Variants in CHM observed in about 807,000 individuals in gnomAD.
The protein encoded by CHM is rab proteins geranylgeranyltransferase component A 1.
A neutral mutation model predicts 49.0 loss-of-function variants in CHM; 10 were observed. The observed-to-expected ratio is 0.20, with a 90% CI of 0.13 to 0.35. The LOEUF is 0.35. Among genes scored for constraint, CHM ranks in the 10% least tolerant of loss-of-function variants. CHM has a pLI of 1.00. For synonymous variants in CHM, 184 were observed against 167.5 expected (o/e 1.10, Z -0.76); for missense variants, 455 against 478.4 (o/e 0.95, Z 0.46).
intron 8 of CHM, among the ~76,000 whole-genome samples, chrX:85,942,653 G>A (rs1347949105): frequency 9.0e-6 from 1 of 111,072 alleles, no homozygotes; most frequent in Non-Finnish European, 1.9e-5. Context: ...CCCATTTGAC[G>A]CAGGGTCAGT....
chrX:85,973,745 T>C (rs981573255), intron 4 of CHM, among the ~76,000 whole-genome samples: 3 of 111,889 alleles, frequency 2.7e-5, no homozygotes, highest in Non-Finnish European at 5.6e-5. Flanking sequence ...AATTAAAATG[T>C]CCTCAGGAAG....
At chrX:86,009,770 G>A (rs1030295147) in intron 2 of CHM, among the ~76,000 whole-genome samples, 1 of 111,177 alleles carries the variant, frequency 9.0e-6, no homozygotes, top group Non-Finnish European at 1.9e-5. Context: ...AGAGGTAAGT[G>A]GTTGATTCTA....
intron 2 of CHM, among the ~76,000 whole-genome samples, chrX:86,006,401 T>C (rs1033227843): frequency 8.9e-6 from 1 of 111,822 alleles, no homozygotes; most frequent in East Asian, 2.8e-4. Context: ...CAGTGCTGGA[T>C]GTTCTGGTCA....
rs772872903 is a variant in CHM at position 85,861,734 on chromosome X, G to T, written c.*2896C>A. 1 of 111,644 alleles carries T rather than the reference G, an allele frequency of 9.0e-6. No individual in the cohort carries two copies. Among genetic ancestry groups the T allele is most frequent in the Non-Finnish European group, 1.9e-5 (1 of 53,077 alleles). The allele number at this position is 111,644 out of a possible 1,213,427, so 9.2% of individuals were successfully genotyped here. A position where few individuals can be genotyped will look rare whatever the true frequency, so the allele number is the denominator to read the frequency against. ...CAATAGCAACATAGGATTAGGTATT[G>T]CTTCTCATACTGATCACTAAACTAA... On this transcript the variant is annotated 3_prime_UTR_variant, in exon 15 of 15. Coordinates refer to ENST00000357749, the MANE Select transcript of CHM (RefSeq NM_000390.4).
At chrX:85,892,569 T>C (rs944360570) in intron 12 of CHM, among the ~76,000 whole-genome samples, 10 of 111,398 alleles carry the variant, frequency 9.0e-5, no homozygotes, top group African/African-American at 3.3e-4. Flanking sequence ...TCCCTAGCCA[T>C]GTGGAACTGT....
Position 85,873,778 on chromosome X carries a change from T to C in CHM, c.1610-566A>G, listed in dbSNP as rs1033565977. Among the ~76,000 whole-genome samples the C allele has an allele frequency of 2.7e-5, 3 of 111,451 alleles. No homozygotes were observed. The Admixed American group carries it at 2.9e-4, about 11-fold the overall frequency. ...TTGTACACTTCAAATGGGTGAATCA[T>C]ATGGTATATGAATGATATCTCAATA... On this transcript the variant is annotated intron_variant, in intron 13 of 14. Transcript: ENST00000357749.
At chrX:85,866,172 A>G (rs1225766070) in intron 14 of CHM, among the ~76,000 whole-genome samples, 1 of 112,327 alleles carries the variant, frequency 8.9e-6, no homozygotes. Context: ...AGGAGGAAAA[A>G]TGGTTTAGTG....
At chrX:85,906,721 C>A (rs762925332) in intron 9 of CHM, among the ~76,000 whole-genome samples, 3 of 112,250 alleles carry the variant, frequency 2.7e-5, no homozygotes, top group Non-Finnish European at 3.8e-5. Flanking sequence ...ATGACCACTA[C>A]CATTTTGCAA....
intron 2 of CHM, among the ~76,000 whole-genome samples, chrX:86,020,854 T>C (rs762492506): frequency 2.9e-5 from 3 of 102,166 alleles, no homozygotes; most frequent in South Asian, 4.2e-4. Context: ...ACATCATATA[T>C]ATCATATTTA....
At chrX:86,013,109 G>A (rs1352033962) in intron 2 of CHM, among the ~76,000 whole-genome samples, 2 of 111,358 alleles carry the variant, frequency 1.8e-5, no homozygotes, top group Non-Finnish European at 3.8e-5. Flanking sequence ...AAAAAACCCC[G>A]GACACAGCCA....
intron 2 of CHM, among the ~76,000 whole-genome samples, chrX:86,015,816 T>C (rs1408282825): frequency 1.8e-5 from 2 of 111,964 alleles, no homozygotes; most frequent in Middle Eastern, 4.6e-3. Context: ...GAAGAAGAAA[T>C]GTCTAAGCGG....
At chrX:86,004,435 G>C (rs1171413591) in intron 2 of CHM, among the ~76,000 whole-genome samples, 1 of 111,763 alleles carries the variant, frequency 8.9e-6, no homozygotes, top group Non-Finnish European at 1.9e-5. Context: ...ATGTAAATGG[G>C]CTAAATGCCC....
At chrX:86,030,263 A>G (rs1933987704) in intron 1 of CHM, among the ~76,000 whole-genome samples, 1 of 112,658 alleles carries the variant, frequency 8.9e-6, no homozygotes, top group Non-Finnish European at 1.9e-5. Flanking sequence ...CCATCCAAAC[A>G]TTCCCATAAG....
chrX:85,929,005 A>G (rs1371791596), intron 8 of CHM, among the ~76,000 whole-genome samples: 3 of 112,342 alleles, frequency 2.7e-5, no homozygotes, highest in Non-Finnish European at 5.6e-5. Flanking sequence ...AAAGCAATAA[A>G]GCAAATTAAA....
Position 85,866,071 on chromosome X carries a change from C to G in CHM, c.1771-1250G>C, listed in dbSNP as rs185571402. Among the ~76,000 whole-genome samples the G allele has an allele frequency of 3.5e-5, 4 of 112,707 alleles. No individual in the cohort carries two copies. In the East Asian group the frequency reaches 8.5e-4, roughly 24 times the overall value. Reference sequence around the variant, plus strand: ...TTTTCTGGGGAGGAATTCAAGCTGGCTATAGCAATTTGCATGAGCAATGAT... The same window carrying G: ...TTTTCTGGGGAGGAATTCAAGCTGGGTATAGCAATTTGCATGAGCAATGAT... On this transcript the variant is annotated intron_variant, in intron 14 of 14. Coordinates refer to ENST00000357749, the MANE Select transcript of CHM (RefSeq NM_000390.4).
chrX:86,009,901 T>TA (rs1307064823), intron 2 of CHM, among the ~76,000 whole-genome samples: 1 of 110,515 alleles, frequency 9.0e-6, no homozygotes, highest in Non-Finnish European at 1.9e-5. Flanking sequence ...TGGAACAGAA[T>TA]AACATTTTTT....
intron 8 of CHM, among the ~76,000 whole-genome samples, chrX:85,946,368 T>C (rs1929410954): frequency 8.9e-6 from 1 of 112,145 alleles, no homozygotes; most frequent in Non-Finnish European, 1.9e-5. Context: ...TCACAGGTCC[T>C]GTGGGCTAGA....
intron 2 of CHM, among the ~76,000 whole-genome samples, chrX:86,000,110 T>C (rs749385007): frequency 1.8e-4 from 20 of 110,992 alleles, no homozygotes; most frequent in African/African-American, 6.2e-4. Context: ...GCTGTTAGTC[T>C]TACAGTTTTT....
chrX:86,030,931 CT>C (rs778938856), intron 1 of CHM, among the ~76,000 whole-genome samples: 6 of 106,379 alleles, frequency 5.6e-5, no homozygotes, highest in South Asian at 4.1e-4. Flanking sequence ...TACTTCATTA[CT>C]TTTTTTTTTA....
Sources: allele counts gnomAD v4.1 joint callset (sites outside exome capture counted in the v4.1 genomes callset), GRCh38; gene constraint gnomAD v4.1.1; transcripts MANE v1.5; gene names NCBI Gene and HGNC (gene_info 2026-07-23, HGNC 2026-07-21).